Variants in LAMA1 observed in about 807,000 individuals in gnomAD.
LAMA1 encodes the protein laminin subunit alpha 1.
LAMA1 carries 219 observed loss-of-function variants against 348.7 expected under a neutral mutation model. The observed-to-expected ratio is 0.63, with a 90% CI of 0.56 to 0.70. LAMA1 has a LOEUF of 0.70. Ranked by LOEUF, LAMA1 falls within the 30% of genes least tolerant of loss-of-function variation. The pLI is 0.00. For synonymous variants in LAMA1, 1,487 were observed against 1,491.0 expected, an observed-to-expected ratio of 1.00 and a Z score of 0.06; for missense variants, 3,744 against 3,888.0, an observed-to-expected ratio of 0.96 and a Z score of 0.99.
Position 6,951,812 on chromosome 18 carries a change from T to G in LAMA1, c.8208-841A>C, listed in dbSNP as rs147726954. The stretch of plus-strand genomic sequence containing the variant: ...ACAGGATTTGCCAATGGACTGGATT[T>G]GGAGAGTGAGAAAAAGTGAAATGAA... On this transcript the variant is annotated intron_variant, in intron 57 of 62. Coordinates refer to ENST00000389658, the MANE Select transcript of LAMA1 (RefSeq NM_005559.4). 3.6e-3 allele frequency among the ~76,000 whole-genome samples: 552 copies of G among 152,254 alleles called. 5 individuals are homozygous for G. The highest frequency in any genetic ancestry group is 0.013 in the African/African-American group (536 of 41,548).
intron 42 of LAMA1, among the ~76,000 whole-genome samples, chr18:6,979,068 A>G (rs2057696408): frequency 6.6e-6 from 1 of 152,222 alleles, no homozygotes; most frequent in Non-Finnish European, 1.5e-5. Context: ...AAAAGCTGGA[A>G]AAAGGGTATA....
chr18:7,014,786 A>G (rs1393584514), intron 22 of LAMA1, among the ~76,000 whole-genome samples: 1 of 152,216 alleles, frequency 6.6e-6, no homozygotes, highest in Admixed American at 6.5e-5. Flanking sequence ...TTTCTCTTGG[A>G]AGATAGTATA....
At chr18:7,025,044 A>G (rs2057936197) in intron 17 of LAMA1, among the ~76,000 whole-genome samples, 1 of 152,194 alleles carries the variant, frequency 6.6e-6, no homozygotes, top group African/African-American at 2.4e-5. Context: ...TTTCATCATG[A>G]GTAACCCTGA....
chr18:7,076,282 A>G (rs1300158665), intron 3 of LAMA1, among the ~76,000 whole-genome samples: 1 of 152,216 alleles, frequency 6.6e-6, no homozygotes, highest in Non-Finnish European at 1.5e-5. Context: ...ATTACAAGGA[A>G]GAAACCTGAC....
intron 57 of LAMA1, among the ~76,000 whole-genome samples, chr18:6,951,303 C>A (rs1453221665): frequency 1.3e-5 from 2 of 152,186 alleles, no homozygotes; most frequent in Non-Finnish European, 2.9e-5. Flanking sequence ...ACGCGGGTAA[C>A]TCTGCAAAGC....
In LAMA1 at chr18:7,013,618, T is replaced by C. The variant is rs148863036; in HGVS notation, c.3363+197A>G. Among the ~76,000 whole-genome samples the C allele has an allele frequency of 6.6e-5, 10 of 152,150 alleles. No individual in the cohort carries two copies. In the East Asian group the frequency reaches 1.9e-3, roughly 29 times the overall value. On this transcript the variant is annotated intron_variant, in intron 23 of 62. Transcript: ENST00000389658. Reference sequence around the variant, plus strand: ...AATCAGTTCCATCAACTGACACTAGTAACAGTAAAAATTCAATTTCAAAAA... The same window carrying C: ...AATCAGTTCCATCAACTGACACTAGCAACAGTAAAAATTCAATTTCAAAAA...
At chr18:7,050,590 T>C (rs1046423570) in intron 4 of LAMA1, 104 bp downstream of exon 4, 3 of 1,504,066 alleles carry the variant, frequency 2.0e-6, no homozygotes, top group Non-Finnish European at 2.8e-6. Flanking sequence ...TAGAGCTAGA[T>C]AGTTATATTA....
At chr18:7,110,037 A>T (rs1046850793) in intron 1 of LAMA1, among the ~76,000 whole-genome samples, 3 of 152,022 alleles carry the variant, frequency 2.0e-5, no homozygotes, top group Non-Finnish European at 4.4e-5. Context: ...AAAAATTAGC[A>T]GGGTGTAGTG....
At chr18:7,074,484 T>C (rs968504359) in intron 3 of LAMA1, among the ~76,000 whole-genome samples, 5 of 152,214 alleles carry the variant, frequency 3.3e-5, no homozygotes, top group Non-Finnish European at 7.3e-5. Context: ...GCAAGATTCA[T>C]GAAATGTGCA....
At chr18:7,112,926 C>T (rs527625057) in intron 1 of LAMA1, among the ~76,000 whole-genome samples, 6 of 152,276 alleles carry the variant, frequency 3.9e-5, no homozygotes, top group East Asian at 1.9e-4. Flanking sequence ...TGAGCCACTG[C>T]GCCCAGCTAT....
chr18:7,037,548 A>C (rs377732495), intron 12 of LAMA1, 30 bp downstream of exon 12: 16 of 1,613,040 alleles, frequency 9.9e-6, no homozygotes, highest in Non-Finnish European at 1.3e-5. Context: ...TCTTCATCTG[A>C]GACATCGCTA....
chr18:7,049,085 G>A lies in LAMA1; in HGVS notation c.761C>T (p.Thr254Ile), dbSNP rs1252635708. The A allele has an allele frequency of 6.2e-7, 1 of 1,613,862 alleles. No homozygotes were observed. ...CTGCCGTCCCATACTCACGCGTCTGGTAACAATAGGATCCAGTTCTTTAGG... is the reference window on the plus strand; with the variant it reads ...CTGCCGTCCCATACTCACGCGTCTGATAACAATAGGATCCAGTTCTTTAGG... The part of the protein sequence containing the change: ...REPKELDPIV[T>I]RRYYYSIKDI... The change falls in exon 5 of 63, where the codon ACC becomes ATC. Residue 254 changes from threonine (T) to isoleucine (I), a missense_variant. Coordinates refer to ENST00000389658, the MANE Select transcript of LAMA1 (RefSeq NM_005559.4).
intron 11 of LAMA1, 78 bp downstream of exon 11, chr18:7,038,732 C>A: frequency 6.3e-7 from 1 of 1,586,816 alleles, no homozygotes; most frequent in Non-Finnish European, 8.6e-7. Context: ...ATCCTCATTT[C>A]CTCCTCACAC....
chr18:7,083,135 T>C (rs951052075), intron 1 of LAMA1, among the ~76,000 whole-genome samples: 3 of 152,006 alleles, frequency 2.0e-5, no homozygotes, highest in South Asian at 2.1e-4. Flanking sequence ...CAGCATCAGG[T>C]AGTTCTTTGC....
chr18:6,952,529 C>A (rs1210281503), intron 57 of LAMA1, among the ~76,000 whole-genome samples: 1 of 152,200 alleles, frequency 6.6e-6, no homozygotes, highest in Non-Finnish European at 1.5e-5. Flanking sequence ...ACAGAGGTTA[C>A]AGCAGTCCCT....
chr18:6,987,692 A>G (rs939001881), intron 36 of LAMA1, among the ~76,000 whole-genome samples: 1 of 152,210 alleles, frequency 6.6e-6, no homozygotes, highest in Non-Finnish European at 1.5e-5. Context: ...CAGCTTTCAC[A>G]GGTGTCAGGT....
chr18:7,027,915 C>G (rs2057951825), intron 16 of LAMA1, among the ~76,000 whole-genome samples: 1 of 152,128 alleles, frequency 6.6e-6, no homozygotes, highest in Non-Finnish European at 1.5e-5. Flanking sequence ...TGCACTCCAG[C>G]CTGGGCAACA....
intron 36 of LAMA1, among the ~76,000 whole-genome samples, chr18:6,989,399 G>A (rs889990181): frequency 6.6e-6 from 1 of 152,152 alleles, no homozygotes; most frequent in Non-Finnish European, 1.5e-5. Flanking sequence ...GACCCAGCAT[G>A]AAAAGTAATC....
chr18:7,010,356 G>A lies in LAMA1; in HGVS notation c.3717C>T (p.Tyr1239=). Residue 1239 remains tyrosine (Y), a synonymous_variant, in exon 26 of 63, where the codon TAC becomes TAT. Transcript: ENST00000389658. ...CATCCAAAGAATAGAAGGCCACGCT[G>A]TACTTCAGTTTGCCACCATAGGCCA... ...QLMAYGGKLK[Y]SVAFYSLDGV... 1 of 1,614,112 alleles carries A rather than the reference G, an allele frequency of 6.2e-7. No individual in the cohort carries two copies.
Sources: allele counts gnomAD v4.1 joint callset (sites outside exome capture counted in the v4.1 genomes callset), GRCh38; gene constraint gnomAD v4.1.1; transcripts MANE v1.5; gene names NCBI Gene and HGNC (gene_info 2026-07-23, HGNC 2026-07-21).